Variants in SPAG16 observed in about 807,000 individuals in gnomAD.
SPAG16 encodes sperm associated antigen 16, also known as sperm-associated antigen 16 protein.
SPAG16 carries 86 observed loss-of-function variants against 80.4 expected under a neutral mutation model. That is an observed-to-expected ratio of 1.07 (90% CI 0.90 to 1.28). SPAG16 has a LOEUF of 1.28. Among genes scored for constraint, SPAG16 ranks in the 50% most tolerant of loss-of-function variants. The probability of loss-of-function intolerance (pLI) is 0.00; values close to 1 mark genes in which losing one functional copy is unlikely to be tolerated. For missense variants in SPAG16, 870 were observed against 765.3 expected (o/e 1.14, Z -1.61); for synonymous variants, 294 against 265.9 (o/e 1.11, Z -1.03).
intron 9 of SPAG16, among the ~76,000 whole-genome samples, chr2:213,427,275 A>G (rs1313867842): frequency 3.3e-5 from 5 of 152,176 alleles, no homozygotes; most frequent in Non-Finnish European, 7.4e-5. Flanking sequence ...TCTCCAAAAC[A>G]TACTATTTGT....
chr2:214,346,517 C>A (rs1165009586), intron 15 of SPAG16, among the ~76,000 whole-genome samples: 1 of 151,810 alleles, frequency 6.6e-6, no homozygotes, highest in Non-Finnish European at 1.5e-5. Context: ...CTTTGGCACT[C>A]CTATTGAAAG....
intron 15 of SPAG16, among the ~76,000 whole-genome samples, chr2:214,365,761 T>G (rs960200551): frequency 1.7e-4 from 26 of 152,260 alleles, no homozygotes; most frequent in African/African-American, 5.8e-4. Flanking sequence ...GATGACAACT[T>G]TATTAGTCTG....
At chr2:213,446,730 C>T (rs139920327) in intron 9 of SPAG16, among the ~76,000 whole-genome samples, 4,817 of 152,214 alleles carry the variant, frequency 0.032, 103 homozygotes, top group Non-Finnish European at 0.042. Context: ...TCTATACTAA[C>T]GATAGTGTGT....
At chr2:213,794,770 A>G (rs572053317) in intron 10 of SPAG16, among the ~76,000 whole-genome samples, 1 of 152,264 alleles carries the variant, frequency 6.6e-6, no homozygotes, top group African/African-American at 2.4e-5. Context: ...TATGCCCTGC[A>G]TCCAGCAAAT....
chr2:213,406,680 GCACC>G (rs2068621902), intron 9 of SPAG16, among the ~76,000 whole-genome samples: 1 of 152,088 alleles, frequency 6.6e-6, no homozygotes, highest in South Asian at 2.1e-4. Context: ...CTGTATGGGC[GCACC>G]CTTCTATGTA....
intron 15 of SPAG16, among the ~76,000 whole-genome samples, chr2:214,185,394 G>A (rs1444935530): frequency 6.6e-6 from 1 of 151,946 alleles, no homozygotes; most frequent in African/African-American, 2.4e-5. Flanking sequence ...GTTTGGAAAT[G>A]AGAATACTAA....
intron 10 of SPAG16, among the ~76,000 whole-genome samples, chr2:213,593,978 C>G (rs1252317714): frequency 6.6e-6 from 1 of 150,926 alleles, no homozygotes; most frequent in Non-Finnish European, 1.5e-5. Context: ...GTTTTCACCA[C>G]GTTAGCCAGG....
intron 10 of SPAG16, among the ~76,000 whole-genome samples, chr2:213,669,756 T>C (rs1401165710): frequency 1.3e-5 from 2 of 152,174 alleles, no homozygotes; most frequent in East Asian, 1.9e-4. Flanking sequence ...CAGTAGCTTA[T>C]TAGCACAGTA....
At chr2:213,468,153 G>A (rs756396870) in intron 9 of SPAG16, among the ~76,000 whole-genome samples, 5 of 151,986 alleles carry the variant, frequency 3.3e-5, no homozygotes, top group African/African-American at 4.8e-5. Flanking sequence ...GGGATAGAGA[G>A]GTGTACCAAG....
chr2:213,930,488 T>G (rs1204643795), intron 12 of SPAG16, among the ~76,000 whole-genome samples: 1 of 152,224 alleles, frequency 6.6e-6, no homozygotes, highest in Non-Finnish European at 1.5e-5. Context: ...TTCCACAGGC[T>G]TGTTATTGCT....
chr2:213,816,665 A>T (rs1450637940), intron 10 of SPAG16, among the ~76,000 whole-genome samples: 3 of 152,076 alleles, frequency 2.0e-5, no homozygotes, highest in Non-Finnish European at 4.4e-5. Context: ...TGATAAAAAG[A>T]TAGCCTTTAC....
chr2:213,443,380 A>G (rs1371764727), intron 9 of SPAG16, among the ~76,000 whole-genome samples: 1 of 152,112 alleles, frequency 6.6e-6, no homozygotes, highest in Non-Finnish European at 1.5e-5. Context: ...TAGATTCTAC[A>G]TATAAGTGAT....
chr2:214,086,070 G>A (rs967078932), intron 13 of SPAG16, among the ~76,000 whole-genome samples: 3 of 152,126 alleles, frequency 2.0e-5, no homozygotes, highest in African/African-American at 7.2e-5. Flanking sequence ...ATGCTTTCAT[G>A]AAACATTGTA....
chr2:213,707,390 G>A (rs1226435750), intron 10 of SPAG16, among the ~76,000 whole-genome samples: 1 of 152,008 alleles, frequency 6.6e-6, no homozygotes, highest in East Asian at 1.9e-4. Context: ...TTGACTCACT[G>A]TTACTCACTC....
intron 13 of SPAG16, 58 bp downstream of exon 13, chr2:214,014,135 AT>A: frequency 2.5e-6 from 4 of 1,593,406 alleles, no homozygotes; most frequent in Non-Finnish European, 3.4e-6. Flanking sequence ...ACTCTCGGTC[AT>A]TCTTTGGGTA....
In SPAG16 at chr2:214,058,412, T is replaced by G. The variant is rs546791297; in HGVS notation, c.1527+44335T>G. 2.0e-5 allele frequency among the ~76,000 whole-genome samples: 3 copies of G among 152,276 alleles called. No homozygotes were observed. The South Asian group carries it at 6.2e-4, about 32-fold the overall frequency. ...GAGCAAGCAGAACACATACAGCATT[T>G]ATTAATTATGTTTGCTGTCTTATAT... On this transcript the variant is annotated intron_variant, in intron 13 of 15. Coordinates refer to ENST00000331683, the MANE Select transcript of SPAG16 (RefSeq NM_024532.5).
At chr2:214,272,254 A>G (rs1417999614) in intron 15 of SPAG16, among the ~76,000 whole-genome samples, 3 of 151,888 alleles carry the variant, frequency 2.0e-5, no homozygotes, top group South Asian at 2.1e-4. Flanking sequence ...GCTATCATCT[A>G]TGTTCTGAAA....
At chr2:213,533,546 G>C (rs968328709) in intron 10 of SPAG16, among the ~76,000 whole-genome samples, 1 of 152,092 alleles carries the variant, frequency 6.6e-6, no homozygotes, top group Non-Finnish European at 1.5e-5. Context: ...GTTGTGAACC[G>C]AATGGTACCA....
chr2:214,202,885 G>A (rs1440452033), intron 15 of SPAG16, among the ~76,000 whole-genome samples: 1 of 152,110 alleles, frequency 6.6e-6, no homozygotes, highest in Admixed American at 6.5e-5. Flanking sequence ...CATCACAGAT[G>A]TTTTCCGGCT....
Sources: gnomAD v4.1 joint callset for allele counts (sites outside exome capture counted in the v4.1 genomes callset) on GRCh38, gnomAD v4.1.1 for gene constraint, MANE v1.5 for transcripts, NCBI Gene and HGNC (gene_info 2026-07-23, HGNC 2026-07-21) for gene names.